DUSP7: variants seen among roughly 807,000 people sequenced by gnomAD.
The protein encoded by DUSP7 is dual specificity protein phosphatase 7.
Under a neutral mutation model 29.8 loss-of-function variants are expected in DUSP7, and 7 were observed. That is an observed-to-expected ratio of 0.24 (90% CI 0.13 to 0.44). DUSP7 has a LOEUF of 0.44. Ranked by LOEUF, DUSP7 falls within the 20% of genes least tolerant of loss-of-function variation. The pLI is 1.00. For synonymous variants in DUSP7, 287 were observed against 275.4 expected, an observed-to-expected ratio of 1.04 and a Z score of -0.42; for missense variants, 400 against 583.7, an observed-to-expected ratio of 0.69 and a Z score of 3.24.
Position 52,048,975 on chromosome 3 carries a change from G to A in DUSP7, c.*1840C>T, listed in dbSNP as rs7614175. 1 of 152,036 alleles carries A rather than the reference G, an allele frequency of 6.6e-6. No individual in the cohort carries two copies. Among genetic ancestry groups the A allele is most frequent in the Non-Finnish European group, 1.5e-5 (1 of 68,024 alleles). 9.4% of individuals were successfully genotyped at this position (152,036 alleles called of 1,614,324 possible). A position where few individuals can be genotyped will look rare whatever the true frequency, so the allele number is the denominator to read the frequency against. On this transcript the variant is annotated 3_prime_UTR_variant, in exon 3 of 3. Transcript: ENST00000495880. ...ATAAACAAAGTCCCGTTGTTGGTTC[G>A]GGATATATATATATATGTATGTGTG...
At position 52,055,998 on chromosome 3, in the gene DUSP7, G is replaced by A. The variant is rs1165307463; in HGVS notation, c.369C>T (p.Arg123=). The A allele has an allele frequency of 6.3e-7, 1 of 1,584,620 alleles. No individual in the cohort carries two copies. Among genetic ancestry groups the A allele is most frequent in the Non-Finnish European group, 8.6e-7 (1 of 1,165,866 alleles). ...TGGCCGCCTTGCAGCGCGTGGCGAAGCGCTCCTTGTCGGCGTGGTTGGGGA... is the reference window on the plus strand; with the variant it reads ...TGGCCGCCTTGCAGCGCGTGGCGAAACGCTCCTTGTCGGCGTGGTTGGGGA... ...SIIPNHADKE[R]FATRCKAATV... Residue 123 remains arginine, a synonymous_variant, in exon 1 of 3, where the codon CGC becomes CGT. Transcript: ENST00000495880.
At position 52,054,838 on chromosome 3, in the gene DUSP7, C is replaced by A. The variant is rs958088095; in HGVS notation, c.518-464G>T. On this transcript the variant is annotated intron_variant, in intron 1 of 2. Coordinates refer to ENST00000495880, the MANE Select transcript of DUSP7 (RefSeq NM_001947.4). This position sits in a 1 kb window ranked among gnomAD's most constrained non-coding sequence, Gnocchi z 4.1. The stretch of plus-strand genomic sequence containing the variant: ...GATGAGACCACAGGTGCCAGAGCCA[C>A]ATCTGGCTCAGTTAGAGGCAGAGAG... 2.5e-4 allele frequency among the ~76,000 whole-genome samples: 38 copies of A among 152,266 alleles called. No individual in the cohort carries two copies. Among genetic ancestry groups the A allele is most frequent in the African/African-American group, 7.5e-4 (31 of 41,466 alleles).
Position 52,054,469 on chromosome 3 carries a change from A to C in DUSP7, c.518-95T>G, listed in dbSNP as rs72964042. The C allele has an allele frequency of 0.091, 92,719 of 1,015,508 alleles. 5,335 individuals carry two copies. Among genetic ancestry groups the C allele is most frequent in the African/African-American group, 0.25 (15,526 of 61,988 alleles). The allele number at this position is 1,015,508 out of a possible 1,614,324, so 62.9% of individuals were successfully genotyped here. On this transcript the variant is annotated intron_variant, in intron 1 of 2. Transcript: ENST00000495880. This position sits in a 1 kb window ranked among gnomAD's most constrained non-coding sequence, Gnocchi z 4.1. The stretch of plus-strand genomic sequence containing the variant: ...AGATGGCCAGGACTCTGCACGCCAA[A>C]CACCACAGCACCCACGGTCAGCATG...
chr3:52,055,041 G>A (rs897865357), intron 1 of DUSP7, among the ~76,000 whole-genome samples: 2 of 152,190 alleles, frequency 1.3e-5, no homozygotes, highest in African/African-American at 4.8e-5. Context: ...CCCCAGCCTT[G>A]GACCTGCAGC....
Position 52,054,333 on chromosome 3 carries a change from C to G in DUSP7, c.559G>C (p.Glu187Gln). 1.9e-6 allele frequency: 3 copies of G among 1,561,900 alleles called. No individual in the cohort carries two copies. Among genetic ancestry groups the G allele is most frequent in the Non-Finnish European group, 2.6e-6 (3 of 1,153,564 alleles). Residue 187 changes from glutamate to glutamine, a missense_variant, in exon 2 of 3, where the codon GAG becomes CAG. By Grantham distance (29) the Glu-to-Gln change is conservative (BLOSUM62 2). This residue lies in a region of DUSP7 where 223 missense variants were observed against 360.9 expected (regional missense o/e 0.62). Transcript: ENST00000495880. This position sits in a 1 kb window ranked among gnomAD's most constrained non-coding sequence, Gnocchi z 4.1. ...GAGGAAGAGCTGTCCACGTTGGTCT[C>G]GCAGTGCTCAGAGTACTCTGTTTGA... Reference protein sequence around the residue: ...KFQTEYSEHCETNVDSSSSPS... With the variant: ...KFQTEYSEHCQTNVDSSSSPS...
In DUSP7 at chr3:52,054,958, C is replaced by A. The variant is rs1208344199; in HGVS notation, c.518-584G>T. Among the ~76,000 whole-genome samples, 2 of 152,208 alleles carry A rather than the reference C, an allele frequency of 1.3e-5. No homozygotes were observed. Among genetic ancestry groups the A allele is most frequent in the Admixed American group, 1.3e-4 (2 of 15,282 alleles). ...GAAGGTACTGGCTGGCCCCTTCCCC[C>A]AGCAGGGGCAGGTTTTTGAAGGGGG... On this transcript the variant is annotated intron_variant, in intron 1 of 2. Transcript: ENST00000495880. This position sits in a 1 kb window ranked among gnomAD's most constrained non-coding sequence, Gnocchi z 4.1.
rs905203076 is a variant in DUSP7 at position 52,050,036 on chromosome 3, A to G, written c.*779T>C. On this transcript the variant is annotated 3_prime_UTR_variant, in exon 3 of 3. Coordinates refer to ENST00000495880, the MANE Select transcript of DUSP7 (RefSeq NM_001947.4). This position sits in a 1 kb window ranked among gnomAD's most constrained non-coding sequence, Gnocchi z 5.0. ...ACCACCATCCAGCCCACCAATCACA[A>G]CTTGCAGCAGTCATCACAGGCGAAT... 6.6e-6 allele frequency: 1 copy of G among 152,212 alleles called. No individual in the cohort carries two copies. The highest frequency in any genetic ancestry group is 1.5e-5 in the Non-Finnish European group (1 of 68,060). 9.4% of individuals were successfully genotyped at this position (152,212 alleles called of 1,614,324 possible).
Position 52,050,576 on chromosome 3 carries a change from C to A in DUSP7, c.*239G>T. ...GACAGGATGAGGCCCTGGTGGACGC[C>A]CAAAGCCACGTGTCCAAGAGCCGAG... On this transcript the variant is annotated 3_prime_UTR_variant, in exon 3 of 3. Transcript: ENST00000495880. This position sits in a 1 kb window ranked among gnomAD's most constrained non-coding sequence, Gnocchi z 5.0. 1.9e-6 allele frequency: 1 copy of A among 517,770 alleles called. No homozygotes were observed. Among genetic ancestry groups the A allele is most frequent in the Non-Finnish European group, 3.4e-6 (1 of 293,776 alleles). The allele number at this position is 517,770 out of a possible 1,614,324, so 32.1% of individuals were successfully genotyped here.
rs913457208 is a variant in DUSP7 at position 52,051,452 on chromosome 3, T to C, written c.953-330A>G. Among the ~76,000 whole-genome samples, 4 of 152,222 alleles carry C rather than the reference T, an allele frequency of 2.6e-5. No homozygotes were observed. The highest frequency in any genetic ancestry group is 9.6e-5 in the African/African-American group (4 of 41,458). On this transcript the variant is annotated intron_variant, in intron 2 of 2. Coordinates refer to ENST00000495880, the MANE Select transcript of DUSP7 (RefSeq NM_001947.4). The surrounding 1 kb of genome is among the most constrained non-coding windows in gnomAD (Gnocchi z 4.8). Reference sequence around the variant, plus strand: ...GGTCAACAAACATGAACTACTGTAATGCCTGTGATCATGGCTAGTCCTACC... The same window carrying C: ...GGTCAACAAACATGAACTACTGTAACGCCTGTGATCATGGCTAGTCCTACC...
rs1277165294 is a variant in DUSP7, at chr3:52,054,980, G to C, written c.518-606C>G. Among the ~76,000 whole-genome samples, 1 of 152,170 alleles carries C rather than the reference G, an allele frequency of 6.6e-6. No individual in the cohort carries two copies. On this transcript the variant is annotated intron_variant, in intron 1 of 2. Coordinates refer to ENST00000495880, the MANE Select transcript of DUSP7 (RefSeq NM_001947.4). The surrounding 1 kb of genome is among the most constrained non-coding windows in gnomAD (Gnocchi z 4.1). ...CCCCAGCAGGGGCAGGTTTTTGAAG[G>C]GGGTCCTGGCTCCACTTCTCTAGAA... is the stretch of plus-strand genomic sequence containing the variant.
At position 52,053,524 on chromosome 3, in the gene DUSP7, A is replaced by G. The variant is rs1701867020; in HGVS notation, c.952+416T>C. On this transcript the variant is annotated intron_variant, in intron 2 of 2. Transcript: ENST00000495880. The surrounding 1 kb of genome is among the most constrained non-coding windows in gnomAD (Gnocchi z 4.6). ...CTTTCAGCCCTCTTAGGTCCACATT[A>G]AAGCCCAAAGAGGCACTATGACAAC... is the stretch of plus-strand genomic sequence containing the variant. The G allele has an allele frequency of 8.8e-6, 2 of 227,784 alleles. No homozygotes were observed. The highest frequency in any genetic ancestry group is 1.8e-5 in the Non-Finnish European group (2 of 113,624). 14.1% of individuals were successfully genotyped at this position (227,784 alleles called of 1,614,324 possible).
In DUSP7 at chr3:52,054,295, C is replaced by T. The variant is rs1164582453; in HGVS notation, c.597G>A (p.Ser199=). Residue 199 remains serine (S), a synonymous_variant, in exon 2 of 3, where the codon TCG becomes TCA. Transcript: ENST00000495880. The surrounding 1 kb of genome is among the most constrained non-coding windows in gnomAD (Gnocchi z 4.1). ...CCAGGCCCAGCACTGAGGTGGGTGG[C>T]GAGCTGCTCGGCGAGGAAGAGCTGT... ...NVDSSSSPSS[S]PPTSVLGLGG... 3.1e-6 allele frequency: 5 copies of T among 1,592,102 alleles called. No individual in the cohort carries two copies. The highest frequency in any genetic ancestry group is 2.3e-5 in the South Asian group (2 of 88,080).
In DUSP7 at chr3:52,054,418, A is replaced by T. The variant is rs767840031; in HGVS notation, c.518-44T>A. 3 of 1,489,252 alleles carry T rather than the reference A, an allele frequency of 2.0e-6. No individual in the cohort carries two copies. The allele number at this position is 1,489,252 out of a possible 1,614,324, so 92.3% of individuals were successfully genotyped here. A position where few individuals can be genotyped will look rare whatever the true frequency, so the allele number is the denominator to read the frequency against. On this transcript the variant is annotated intron_variant, in intron 1 of 2. Coordinates refer to ENST00000495880, the MANE Select transcript of DUSP7 (RefSeq NM_001947.4). This position sits in a 1 kb window ranked among gnomAD's most constrained non-coding sequence, Gnocchi z 4.1. ...AGGGCCTGGGTGAGAGGCTGGTGAGAGCCCAGATGGGCTGCACAAGACCAG... is the reference window on the plus strand; with the variant it reads ...AGGGCCTGGGTGAGAGGCTGGTGAGTGCCCAGATGGGCTGCACAAGACCAG...
chr3:52,051,732 C>A lies in DUSP7; in HGVS notation c.953-610G>T, dbSNP rs1370332561. ...CCCTGAGAGTCTTCTAGGAAAGTGG[C>A]CTGAGGGAGGCTCCTCTGGAAGGAA... On this transcript the variant is annotated intron_variant, in intron 2 of 2. Coordinates refer to ENST00000495880, the MANE Select transcript of DUSP7 (RefSeq NM_001947.4). The surrounding 1 kb of genome is among the most constrained non-coding windows in gnomAD (Gnocchi z 4.8). 6.6e-6 allele frequency: 1 copy of A among 152,376 alleles called. No individual in the cohort carries two copies. The highest frequency in any genetic ancestry group is 2.4e-5 in the African/African-American group (1 of 41,442). 9.4% of individuals were successfully genotyped at this position (152,376 alleles called of 1,614,324 possible). A position where few individuals can be genotyped will look rare whatever the true frequency, so the allele number is the denominator to read the frequency against.
At chr3:52,052,466 T>G (rs973119309) in intron 2 of DUSP7, 2 of 152,178 alleles carry the variant, frequency 1.3e-5, no homozygotes, top group Admixed American at 6.5e-5. Context: ...CATTGCAGCT[T>G]CATGAGGAGC....
Position 52,055,927 on chromosome 3 carries a change from G to A in DUSP7, c.440C>T (p.Pro147Leu), listed in dbSNP as rs754343475. The A allele has an allele frequency of 1.3e-5, 20 of 1,541,594 alleles. No homozygotes were observed. In the Admixed American group the frequency reaches 2.4e-4, roughly 18 times the overall value. The stretch of plus-strand genomic sequence containing the variant: ...GCCGAGCACGGAGGCGGGAGCGCCG[G>A]GCTCGGGCTGCCACTCGGCCGTGGC... Reference protein sequence around the residue: ...DEATAEWQPEPGAPASVLGLL... With the variant: ...DEATAEWQPELGAPASVLGLL... The change falls in exon 1 of 3, where the codon CCC becomes CTC. Residue 147 changes from proline (P) to leucine (L), a missense_variant. Around this residue, in one of 4 missense-constraint regions of DUSP7, gnomAD observed 223 missense variants for 360.9 expected, o/e 0.62. Coordinates refer to ENST00000495880, the MANE Select transcript of DUSP7 (RefSeq NM_001947.4).
Position 52,054,395 on chromosome 3 carries a change from G to A in DUSP7, c.518-21C>T, listed in dbSNP as rs751845497. 2.0e-6 allele frequency: 3 copies of A among 1,517,026 alleles called. No homozygotes were observed. Among genetic ancestry groups the A allele is most frequent in the Admixed American group, 4.5e-5 (2 of 44,846 alleles). 94.0% of individuals were successfully genotyped at this position (1,517,026 alleles called of 1,614,324 possible). A position where few individuals can be genotyped will look rare whatever the true frequency, so the allele number is the denominator to read the frequency against. On this transcript the variant is annotated intron_variant, in intron 1 of 2. Coordinates refer to ENST00000495880, the MANE Select transcript of DUSP7 (RefSeq NM_001947.4). This position sits in a 1 kb window ranked among gnomAD's most constrained non-coding sequence, Gnocchi z 4.1. ...ACCACCTGTGTCCAGGGTGAGACAG[G>A]GCCTGGGTGAGAGGCTGGTGAGAGC...
In DUSP7 at chr3:52,051,225, C is replaced by T; in HGVS notation, c.953-103G>A. 2.2e-6 allele frequency: 3 copies of T among 1,370,852 alleles called. No homozygotes were observed. The highest frequency in any genetic ancestry group is 2.9e-6 in the Non-Finnish European group (3 of 1,019,276). The allele number at this position is 1,370,852 out of a possible 1,614,324, so 84.9% of individuals were successfully genotyped here. On this transcript the variant is annotated intron_variant, in intron 2 of 2. Coordinates refer to ENST00000495880, the MANE Select transcript of DUSP7 (RefSeq NM_001947.4). The surrounding 1 kb of genome is among the most constrained non-coding windows in gnomAD (Gnocchi z 4.8). The stretch of plus-strand genomic sequence containing the variant: ...GCACAGAGGGCAGCATGGTGGCTGG[C>T]TGGTCTTGCCCGACCCCTGAGGGAC...
Position 52,054,070 on chromosome 3 carries a change from GAT to G in DUSP7, c.820_821del (p.Ile274ProfsTer26). ...TGGGTAGGTTGGGTGTGACATTGAG[GAT>G]ATACTTGATGCCATACTTGCCGAGC... ...DVLGKYGIKY[I>X]LNVTPNLPNA... On this transcript the variant is annotated frameshift_variant, in exon 2 of 3. Coordinates refer to ENST00000495880, the MANE Select transcript of DUSP7 (RefSeq NM_001947.4). LOFTEE classifies it high-confidence loss of function. This position sits in a 1 kb window ranked among gnomAD's most constrained non-coding sequence, Gnocchi z 4.1. The G allele has an allele frequency of 6.2e-7, 1 of 1,614,214 alleles. No individual in the cohort carries two copies. Among genetic ancestry groups the G allele is most frequent in the Non-Finnish European group, 8.5e-7 (1 of 1,180,050 alleles).
Sources: gnomAD v4.1 joint callset for allele counts (sites outside exome capture counted in the v4.1 genomes callset) on GRCh38, gnomAD v4.1.1 for gene constraint, gnomAD v4.1.1 regional missense constraint, Gnocchi (gnomAD v3.1) non-coding constraint, MANE v1.5 for transcripts, NCBI Gene and HGNC (gene_info 2026-07-23, HGNC 2026-07-21) for gene names.